Variants in RCAN3 observed in about 807,000 individuals in gnomAD.
RCAN3 encodes calcipressin-3.
Under a neutral mutation model 21.9 loss-of-function variants are expected in RCAN3, and 19 were observed. The observed-to-expected ratio is 0.87, with a 90% CI of 0.61 to 1.27. The LOEUF is 1.27. Ranked by LOEUF, RCAN3 falls within the 50% of genes most tolerant of loss-of-function variation. The probability of loss-of-function intolerance (pLI) is 0.00; values close to 1 mark genes in which losing one functional copy is unlikely to be tolerated. For synonymous variants in RCAN3, 114 were observed against 112.3 expected, an observed-to-expected ratio of 1.01 and a Z score of -0.09; for missense variants, 240 against 300.1, an observed-to-expected ratio of 0.80 and a Z score of 1.48.
At chr1:24,505,425 G>A (rs185968095) in intron 1 of RCAN3, among the ~76,000 whole-genome samples, 1 of 151,576 alleles carries the variant, frequency 6.6e-6, no homozygotes, top group Admixed American at 6.6e-5. Context: ...GTTTTTCCAT[G>A]TTGCCCGGGC....
rs997450113 is a variant in RCAN3 at position 24,540,290 on chromosome 1, C to T, written c.*5013C>T. On this transcript the variant is annotated 3_prime_UTR_variant, in exon 5 of 5. Transcript: ENST00000374395. ...GGGGCTGAGTCAGCGTCTCTACCCA[C>T]TTAAATAACAGCGTAAAGATCTTTC... The T allele has an allele frequency of 1.3e-5, 2 of 152,574 alleles. No homozygotes were observed. The highest frequency in any genetic ancestry group is 2.9e-5 in the Non-Finnish European group (2 of 68,034). 9.5% of individuals were successfully genotyped at this position (152,574 alleles called of 1,614,324 possible).
chr1:24,528,285 A>G (rs947001260), intron 2 of RCAN3, among the ~76,000 whole-genome samples: 1 of 151,926 alleles, frequency 6.6e-6, no homozygotes, highest in African/African-American at 2.4e-5. Flanking sequence ...AGAAAAAGGA[A>G]ATGAACACAG....
At position 24,540,151 on chromosome 1, in the gene RCAN3, C is replaced by T. The variant is rs931448814; in HGVS notation, c.*4874C>T. ...CATTTGGAGACTGTTTTCTTATTAC[C>T]AAATGTACAATCCATAAGACAACTG... On this transcript the variant is annotated 3_prime_UTR_variant, in exon 5 of 5. Transcript: ENST00000374395. The T allele has an allele frequency of 1.3e-5, 2 of 152,132 alleles. No individual in the cohort carries two copies. The highest frequency in any genetic ancestry group is 2.4e-5 in the African/African-American group (1 of 41,412). 9.4% of individuals were successfully genotyped at this position (152,132 alleles called of 1,614,324 possible). A position where few individuals can be genotyped will look rare whatever the true frequency, so the allele number is the denominator to read the frequency against.
intron 2 of RCAN3, among the ~76,000 whole-genome samples, chr1:24,523,655 TTC>T (rs1188080296): frequency 3.3e-5 from 5 of 151,042 alleles, no homozygotes; most frequent in African/African-American, 7.3e-5. Flanking sequence ...TATATTTTTT[TTC>T]TTCAGATGGA....
chr1:24,518,632 A>T (rs1174151030), intron 2 of RCAN3, among the ~76,000 whole-genome samples: 1 of 151,636 alleles, frequency 6.6e-6, no homozygotes, highest in African/African-American at 2.4e-5. Flanking sequence ...TTGCTCTGTC[A>T]CCCAGGCTGG....
At chr1:24,534,513 A>G (rs1211424002) in intron 4 of RCAN3, among the ~76,000 whole-genome samples, 1 of 152,144 alleles carries the variant, frequency 6.6e-6, no homozygotes, top group Non-Finnish European at 1.5e-5. Context: ...AGGCTGAGGC[A>G]GGAGAATGGC....
intron 2 of RCAN3, among the ~76,000 whole-genome samples, chr1:24,515,504 T>G (rs1017759205): frequency 5.9e-5 from 9 of 151,810 alleles, no homozygotes; most frequent in African/African-American, 2.2e-4. Context: ...CACAAAAGGC[T>G]ATAGGTCTTA....
chr1:24,518,004 G>T lies in RCAN3; in HGVS notation c.195+3437G>T, dbSNP rs549141098. ...GTTGGATTACAGGCAGAATAATCCC[G>T]ATTGCAATTAAACACTTTAATTTCA... On this transcript the variant is annotated intron_variant, in intron 2 of 4. Coordinates refer to ENST00000374395, the MANE Select transcript of RCAN3 (RefSeq NM_013441.4). Among the ~76,000 whole-genome samples, 4 of 151,982 alleles carry T rather than the reference G, an allele frequency of 2.6e-5. No homozygotes were observed. The East Asian group carries it at 7.7e-4, about 29-fold the overall frequency.
intron 4 of RCAN3, 73 bp from the exon 5 acceptor site, chr1:24,535,020 G>A (rs1017984828): frequency 1.4e-6 from 2 of 1,468,462 alleles, no homozygotes; most frequent in African/African-American, 1.5e-5. Context: ...AGAACAAAAA[G>A]TTGCAAGGGA....
chr1:24,517,084 G>GTTTT (rs11372088), intron 2 of RCAN3, among the ~76,000 whole-genome samples: 4 of 146,860 alleles, frequency 2.7e-5, no homozygotes, highest in African/African-American at 7.5e-5. Context: ...CTATTTTTTT[G>GTTTT]TTTTTTTTTG....
Position 24,536,387 on chromosome 1 carries a change from G to C in RCAN3, c.*1110G>C, listed in dbSNP as rs1035915134. ...TTACTTTTCTTTTTGTTGAAATTTT[G>C]TACCCGGATTGCAGTTGGCACTTTT... On this transcript the variant is annotated 3_prime_UTR_variant, in exon 5 of 5. Transcript: ENST00000374395. The C allele has an allele frequency of 6.6e-6, 1 of 152,160 alleles. No individual in the cohort carries two copies. The highest frequency in any genetic ancestry group is 2.4e-5 in the African/African-American group (1 of 41,448). The allele number at this position is 152,160 out of a possible 1,614,324, so 9.4% of individuals were successfully genotyped here.
At chr1:24,507,338 G>A (rs1647521225) in intron 1 of RCAN3, among the ~76,000 whole-genome samples, 6 of 152,122 alleles carry the variant, frequency 3.9e-5, no homozygotes, top group Admixed American at 3.9e-4. Context: ...GTTCATCCTT[G>A]AAGTCTCACC....
intron 1 of RCAN3, among the ~76,000 whole-genome samples, chr1:24,512,298 A>G (rs1647955272): frequency 6.6e-6 from 1 of 151,940 alleles, no homozygotes; most frequent in Admixed American, 6.6e-5. Flanking sequence ...GCAGTGAGCC[A>G]AGATCGTACT....
intron 1 of RCAN3, among the ~76,000 whole-genome samples, chr1:24,511,238 G>A (rs895977262): frequency 4.6e-5 from 7 of 152,090 alleles, no homozygotes; most frequent in African/African-American, 1.2e-4. Context: ...GCTTGAACCC[G>A]GGAGGCGGAG....
intron 2 of RCAN3, among the ~76,000 whole-genome samples, chr1:24,519,116 G>C (rs1202377565): frequency 6.6e-6 from 1 of 151,970 alleles, no homozygotes; most frequent in Non-Finnish European, 1.5e-5. Flanking sequence ...TCGCCATGTT[G>C]GCCAAGCTGG....
At chr1:24,521,085 T>A (rs1162463852) in intron 2 of RCAN3, among the ~76,000 whole-genome samples, 2 of 152,100 alleles carry the variant, frequency 1.3e-5, no homozygotes, top group Non-Finnish European at 2.9e-5. Flanking sequence ...ATCAAAACAG[T>A]GTGGTACTGG....
In RCAN3 at chr1:24,525,695, A is replaced by T. The variant is rs1042784347; in HGVS notation, c.196-5523A>T. On this transcript the variant is annotated intron_variant, in intron 2 of 4. Transcript: ENST00000374395. This position sits in a 1 kb window ranked among gnomAD's most constrained non-coding sequence, Gnocchi z 4.1. ...AAAATAGTCATTTGGTTTTTGAATG[A>T]ACAGCTGCAGATCCTTCCTGTTTAT... is the stretch of plus-strand genomic sequence containing the variant. Among the ~76,000 whole-genome samples the T allele has an allele frequency of 6.6e-6, 1 of 152,210 alleles. No individual in the cohort carries two copies. Among genetic ancestry groups the T allele is most frequent in the Admixed American group, 6.5e-5 (1 of 15,268 alleles).
chr1:24,521,394 T>G (rs937643566), intron 2 of RCAN3, among the ~76,000 whole-genome samples: 5 of 151,804 alleles, frequency 3.3e-5, no homozygotes, highest in African/African-American at 1.2e-4. Flanking sequence ...TGAGACCCCA[T>G]CTCCTAAAAC....
intron 2 of RCAN3, among the ~76,000 whole-genome samples, chr1:24,523,121 TG>T (rs1648952161): frequency 6.6e-6 from 1 of 151,828 alleles, no homozygotes; most frequent in Non-Finnish European, 1.5e-5. Context: ...TGGAGTGTAA[TG>T]GCGCAATCTC....
Sources: gnomAD v4.1 joint callset for allele counts (sites outside exome capture counted in the v4.1 genomes callset) on GRCh38, gnomAD v4.1.1 for gene constraint, Gnocchi (gnomAD v3.1) non-coding constraint, MANE v1.5 for transcripts, NCBI Gene and HGNC (gene_info 2026-07-23, HGNC 2026-07-21) for gene names.